Variants in COL4A1 observed in about 807,000 individuals in gnomAD.
COL4A1 encodes the protein collagen alpha-1(IV) chain.
Under a neutral mutation model 216.6 loss-of-function variants are expected in COL4A1, and 40 were observed. The observed-to-expected ratio is 0.18, with a 90% CI of 0.14 to 0.24. The LOEUF (loss-of-function observed/expected upper bound fraction) is 0.24, where lower values mean the gene tolerates loss of function less well. COL4A1 is among the 10% of genes least tolerant of loss of function. COL4A1 has a pLI of 1.00. For missense variants in COL4A1, 1,628 were observed against 2,196.8 expected (o/e 0.74, Z 5.18); for synonymous variants, 839 against 810.7 (o/e 1.03, Z -0.59).
Position 110,161,347 on chromosome 13 carries a change from G to A in COL4A1, c.4485C>T (p.Arg1495=). Residue 1495 remains arginine, a synonymous_variant, in exon 49 of 52, where the codon CGC becomes CGT. Coordinates refer to ENST00000375820, the MANE Select transcript of COL4A1 (RefSeq NM_001845.6). ...QDLGTAGSCL[R]KFSTMPFLFC... ...ACAGGAAGGGCATTGTGCTGAACTT[G>A]CGCAGGCAGCTGCCGGCCGTGCCTA... 5.0e-6 allele frequency: 8 copies of A among 1,613,532 alleles called. No individual in the cohort carries two copies. Among genetic ancestry groups the A allele is most frequent in the Non-Finnish European group, 6.8e-6 (8 of 1,179,694 alleles).
At chr13:110,289,588 G>A (rs1883999947) in intron 1 of COL4A1, among the ~76,000 whole-genome samples, 1 of 152,200 alleles carries the variant, frequency 6.6e-6, no homozygotes, top group Admixed American at 6.5e-5. Context: ...GATACTCCAA[G>A]TCGGTGCCCT....
intron 32 of COL4A1, 60 bp downstream of exon 32, chr13:110,178,004 G>C (rs1877959430): frequency 6.2e-7 from 1 of 1,613,868 alleles, no homozygotes; most frequent in African/African-American, 1.3e-5. Context: ...GTCATAAAAA[G>C]AATAAGGTGA....
chr13:110,237,733 A>T (rs1191321954), intron 2 of COL4A1, among the ~76,000 whole-genome samples: 1 of 152,244 alleles, frequency 6.6e-6, no homozygotes, highest in African/African-American at 2.4e-5. Flanking sequence ...TCCGTTGTGT[A>T]AAAGCAGCAG....
chr13:110,188,368 AACC>A (rs1566359935), intron 24 of COL4A1, among the ~76,000 whole-genome samples: 1 of 152,242 alleles, frequency 6.6e-6, no homozygotes, highest in Non-Finnish European at 1.5e-5. Context: ...GAAGTTGGTC[AACC>A]AAGGACAGAC....
At chr13:110,219,994 G>A (rs1014205743) in intron 2 of COL4A1, among the ~76,000 whole-genome samples, 4 of 147,290 alleles carry the variant, frequency 2.7e-5, no homozygotes, top group African/African-American at 7.6e-5. Flanking sequence ...ATTTGAGGCA[G>A]GGTCTCACTC....
chr13:110,210,149 G>A lies in COL4A1; in HGVS notation c.532C>T (p.Pro178Ser), dbSNP rs777678272. Residue 178 changes from proline to serine, a missense_variant, in exon 9 of 52, where the codon CCC becomes TCC. Pro to Ser is a moderately conservative substitution (Grantham distance 74). Around this residue, in one of 8 missense-constraint regions of COL4A1, gnomAD observed 150 missense variants for 211.9 expected, o/e 0.71. Coordinates refer to ENST00000375820, the MANE Select transcript of COL4A1 (RefSeq NM_001845.6). Reference sequence around the variant, plus strand: ...CTTACTGGAGTCCCTGGGATTCCGGGAAATCCTCTTTCACCTTTCAACAGC... The same window carrying A: ...CTTACTGGAGTCCCTGGGATTCCGGAAAATCCTCTTTCACCTTTCAACAGC... ...GMLLKGERGFPGIPGTPGPPG... is the reference protein window; with the variant it reads ...GMLLKGERGFSGIPGTPGPPG... 4 of 1,614,084 alleles carry A rather than the reference G, an allele frequency of 2.5e-6. No homozygotes were observed. The Admixed American group carries it at 5.0e-5, about 20-fold the overall frequency.
chr13:110,218,460 C>T (rs1399990958), intron 2 of COL4A1, among the ~76,000 whole-genome samples: 9 of 152,144 alleles, frequency 5.9e-5, no homozygotes, highest in Admixed American at 5.9e-4. Context: ...ACAAGCAATG[C>T]TTATCAGGGA....
intron 2 of COL4A1, among the ~76,000 whole-genome samples, chr13:110,234,752 C>T (rs1881228811): frequency 6.6e-6 from 1 of 152,166 alleles, no homozygotes; most frequent in African/African-American, 2.4e-5. Flanking sequence ...TCCCCAAACG[C>T]CTGTGTCCTT....
At chr13:110,212,553 G>T (rs1879860610) in intron 5 of COL4A1, 21 bp downstream of exon 5, 1 of 1,614,056 alleles carries the variant, frequency 6.2e-7, no homozygotes, top group Non-Finnish European at 8.5e-7. Flanking sequence ...AAAAGAAGTA[G>T]AGCACGTTTT....
At chr13:110,203,684 T>G in intron 17 of COL4A1, 77 bp from the exon 18 acceptor site, 4 of 1,508,462 alleles carry the variant, frequency 2.7e-6, no homozygotes, top group Non-Finnish European at 3.7e-6. Context: ...TAAACATTTC[T>G]TCTGGTAAAA....
chr13:110,256,278 A>G (rs1262725657), intron 1 of COL4A1, among the ~76,000 whole-genome samples: 1 of 152,154 alleles, frequency 6.6e-6, no homozygotes, highest in Non-Finnish European at 1.5e-5. Context: ...GGGGGGAAAA[A>G]CACATCAAAA....
At chr13:110,288,140 T>C (rs1352814954) in intron 1 of COL4A1, among the ~76,000 whole-genome samples, 2 of 151,506 alleles carry the variant, frequency 1.3e-5, no homozygotes, top group African/African-American at 2.4e-5. Flanking sequence ...GGCAGACACC[T>C]GTAATCCCAG....
chr13:110,271,061 A>C (rs1378985049), intron 1 of COL4A1, among the ~76,000 whole-genome samples: 1 of 152,240 alleles, frequency 6.6e-6, no homozygotes, highest in Non-Finnish European at 1.5e-5. Context: ...ACAATGATGG[A>C]AATGGATTAC....
Position 110,150,252 on chromosome 13 carries a change from G to T in COL4A1, c.*111C>A. 1 of 1,052,146 alleles carries T rather than the reference G, an allele frequency of 9.5e-7. No individual in the cohort carries two copies. Among genetic ancestry groups the T allele is most frequent in the Non-Finnish European group, 1.4e-6 (1 of 700,000 alleles). 65.2% of individuals were successfully genotyped at this position (1,052,146 alleles called of 1,614,324 possible). On this transcript the variant is annotated 3_prime_UTR_variant, in exon 52 of 52. Coordinates refer to ENST00000375820, the MANE Select transcript of COL4A1 (RefSeq NM_001845.6). ...GCAAATTCCTATAAGGCACTTTACGGTTTTCATATTGGACAGTGAGGTACA... is the reference window on the plus strand; with the variant it reads ...GCAAATTCCTATAAGGCACTTTACGTTTTTCATATTGGACAGTGAGGTACA...
chr13:110,150,198 A>T lies in COL4A1; in HGVS notation c.*165T>A. ...TGTCTTTTTCTCCTTCAGCAAGTAG[A>T]GGTCAATGAAGCAGGGTGTGTTAGT... On this transcript the variant is annotated 3_prime_UTR_variant, in exon 52 of 52. Transcript: ENST00000375820. 1.4e-6 allele frequency: 1 copy of T among 701,314 alleles called. No individual in the cohort carries two copies. The allele number at this position is 701,314 out of a possible 1,614,324, so 43.4% of individuals were successfully genotyped here.
intron 1 of COL4A1, among the ~76,000 whole-genome samples, chr13:110,302,744 T>A (rs926472443): frequency 9.2e-5 from 14 of 152,260 alleles, no homozygotes; most frequent in South Asian, 2.1e-4. Flanking sequence ...TTTCATTGTA[T>A]GCATAAGAAT....
chr13:110,168,697 C>T (rs1877457249), intron 43 of COL4A1, among the ~76,000 whole-genome samples: 1 of 152,196 alleles, frequency 6.6e-6, no homozygotes, highest in South Asian at 2.1e-4. Flanking sequence ...CAAAGCTTTC[C>T]CTTTAAGGGA....
chr13:110,152,204 A>T, intron 51 of COL4A1, 130 bp downstream of exon 51: 3 of 1,434,446 alleles, frequency 2.1e-6, no homozygotes, highest in Non-Finnish European at 2.8e-6. Flanking sequence ...GCCCATGTCG[A>T]ACAGCATCAA....
At chr13:110,249,809 C>T (rs1881995372) in intron 1 of COL4A1, among the ~76,000 whole-genome samples, 1 of 152,066 alleles carries the variant, frequency 6.6e-6, no homozygotes, top group African/African-American at 2.4e-5. Context: ...AAAATATAGG[C>T]CAAATGTTGT....
Sources: allele counts gnomAD v4.1 joint callset (sites outside exome capture counted in the v4.1 genomes callset), GRCh38; gene constraint gnomAD v4.1.1; regional missense constraint gnomAD v4.1.1; transcripts MANE v1.5; gene names NCBI Gene and HGNC (gene_info 2026-07-23, HGNC 2026-07-21).